Variants in IQSEC1 observed in about 807,000 individuals in gnomAD.
IQSEC1 encodes IQ motif and SEC7 domain-containing protein 1.
A neutral mutation model predicts 91.0 loss-of-function variants in IQSEC1; 31 were observed. The observed-to-expected ratio is 0.34, with a 90% CI of 0.26 to 0.46. The LOEUF (loss-of-function observed/expected upper bound fraction) is 0.46. IQSEC1 is among the 20% of genes least tolerant of loss of function. The probability of loss-of-function intolerance (pLI) is 1.00; values close to 1 mark genes in which losing one functional copy is unlikely to be tolerated. For missense variants in IQSEC1, 1,388 were observed against 1,575.6 expected (o/e 0.88, Z 2.02); for synonymous variants, 699 against 662.6 (o/e 1.05, Z -0.84).
intron 1 of IQSEC1, among the ~76,000 whole-genome samples, chr3:13,055,915 T>C (rs1006308280): frequency 6.6e-5 from 10 of 151,994 alleles, no homozygotes; most frequent in Non-Finnish European, 5.9e-5. Flanking sequence ...CTGGCTTGCA[T>C]AGAGAGGCCC....
At chr3:13,147,830 A>C (rs928348109) in intron 2 of IQSEC1, among the ~76,000 whole-genome samples, 1 of 152,182 alleles carries the variant, frequency 6.6e-6, no homozygotes, top group African/African-American at 2.4e-5. Flanking sequence ...ATGAGGTTTC[A>C]CCATGTTGGC....
chr3:12,913,353 C>T lies in IQSEC1; in HGVS notation c.2316+75G>A, dbSNP rs546654961. 1.1e-4 allele frequency: 155 copies of T among 1,471,442 alleles called. No homozygotes were observed. The Middle Eastern group carries it at 2.5e-3, about 24-fold the overall frequency. 91.1% of individuals were successfully genotyped at this position (1,471,442 alleles called of 1,614,324 possible). A position where few individuals can be genotyped will look rare whatever the true frequency, so the allele number is the denominator to read the frequency against. ...CCCACATGCATGCACATCTTCCCCA[C>T]GCAGACAGCCAGACATGGACCCTGG... On this transcript the variant is annotated intron_variant, in intron 9 of 13. Coordinates refer to ENST00000613206, the MANE Select transcript of IQSEC1 (RefSeq NM_001134382.3).
chr3:13,044,418 G>A (rs62239866), intron 1 of IQSEC1, among the ~76,000 whole-genome samples: 3,083 of 152,318 alleles, frequency 0.02, 43 homozygotes, highest in Non-Finnish European at 0.031. Context: ...ACTTTCCCTT[G>A]GAGGTACCCG....
chr3:12,919,276 C>T (rs944409091), intron 6 of IQSEC1, among the ~76,000 whole-genome samples: 5 of 152,222 alleles, frequency 3.3e-5, no homozygotes, highest in African/African-American at 7.2e-5. Flanking sequence ...CAGGAGGCCA[C>T]GTACAGTAAC....
At chr3:13,038,985 A>G (rs919656954) in intron 1 of IQSEC1, among the ~76,000 whole-genome samples, 1 of 152,268 alleles carries the variant, frequency 6.6e-6, no homozygotes, top group African/African-American at 2.4e-5. Context: ...CAGGAAAGGG[A>G]TAAGATTTGT....
At chr3:13,267,111 A>C (rs1234327718) in intron 1 of IQSEC1, among the ~76,000 whole-genome samples, 1 of 152,192 alleles carries the variant, frequency 6.6e-6, no homozygotes, top group African/African-American at 2.4e-5. Flanking sequence ...TGGTGAGGTC[A>C]TGAGGGCAGA....
Position 12,924,600 on chromosome 3 carries a change from A to T in IQSEC1, c.1711T>A (p.Phe571Ile). Residue 571 changes from phenylalanine (F) to isoleucine (I), a missense_variant, in exon 4 of 14, where the codon TTC (phenylalanine) becomes ATC (isoleucine). Transcript: ENST00000613206. The surrounding 1 kb of genome is among the most constrained non-coding windows in gnomAD (Gnocchi z 6.3). The part of the protein sequence containing the change: ...GEFLGNRQKQ[F>I]NRDVLDCVVD... ...ACTTACTCGAGCACGTCACGGTTGA[A>T]CTGCTTCTGCCGGTTGCCCAGGAAC... The T allele has an allele frequency of 6.2e-7, 1 of 1,606,194 alleles. No homozygotes were observed. Among genetic ancestry groups the T allele is most frequent in the Non-Finnish European group, 8.5e-7 (1 of 1,175,416 alleles).
At chr3:12,946,973 C>A (rs1339168062) in intron 1 of IQSEC1, among the ~76,000 whole-genome samples, 3 of 152,228 alleles carry the variant, frequency 2.0e-5, no homozygotes, top group East Asian at 3.8e-4. Context: ...GAAGCCTCAG[C>A]CTCCTTCCAA....
rs75250491 is a variant in IQSEC1 at position 13,097,358 on chromosome 3, T to A, written c.303-49836A>T. 4.6e-5 allele frequency among the ~76,000 whole-genome samples: 7 copies of A among 152,304 alleles called. No individual in the cohort carries two copies. In the East Asian group the frequency reaches 9.6e-4, roughly 21 times the overall value. On this transcript the variant is annotated intron_variant, in intron 2 of 15. Coordinates refer to the IQSEC1 transcript ENST00000648114. The stretch of plus-strand genomic sequence containing the variant: ...CTTTTTCCCTCCCTGCTTCCAGACG[T>A]GGCTCTGGTCCCCTCCAGTCACTGA...
At chr3:12,932,871 A>G (rs1448466658) in intron 3 of IQSEC1, among the ~76,000 whole-genome samples, 1 of 152,224 alleles carries the variant, frequency 6.6e-6, no homozygotes, top group African/African-American at 2.4e-5. Flanking sequence ...GCAGATGCCC[A>G]GAGGAACATC....
intron 3 of IQSEC1, among the ~76,000 whole-genome samples, chr3:12,931,041 G>A (rs565329974): frequency 4.1e-4 from 62 of 152,238 alleles, no homozygotes; most frequent in Non-Finnish European, 8.8e-5. Context: ...ACTTTTACAC[G>A]CACTTTCTGG....
chr3:13,218,294 T>G (rs907752743), intron 1 of IQSEC1, among the ~76,000 whole-genome samples: 2 of 152,204 alleles, frequency 1.3e-5, no homozygotes, highest in African/African-American at 2.4e-5. Flanking sequence ...GTTGGGATCA[T>G]TTTTTAATCC....
Position 12,967,253 on chromosome 3 carries a change from C to T in IQSEC1, c.24-25388G>A. The T allele has an allele frequency of 1.4e-6, 1 of 704,688 alleles. No individual in the cohort carries two copies. The highest frequency in any genetic ancestry group is 2.2e-6 in the Non-Finnish European group (1 of 449,258). The allele number at this position is 704,688 out of a possible 1,614,324, so 43.7% of individuals were successfully genotyped here. The stretch of plus-strand genomic sequence containing the variant: ...AGTCTGGCGGACGCACCCCGCCCCG[C>T]AGGCAGCTTTCTCTCGCACGCCGGG... On this transcript the variant is annotated intron_variant, in intron 1 of 13. Transcript: ENST00000613206. The surrounding 1 kb of genome is among the most constrained non-coding windows in gnomAD (Gnocchi z 5.9).
At chr3:12,998,193 C>T (rs7636697) in intron 1 of IQSEC1, among the ~76,000 whole-genome samples, 31,253 of 151,950 alleles carry the variant, frequency 0.21, 4,007 homozygotes, top group African/African-American at 0.36. Context: ...CTACTAAAAA[C>T]ACAAAAATTA....
Position 12,899,345 on chromosome 3 carries a change from C to T in IQSEC1, c.*1638G>A. The T allele has an allele frequency of 6.2e-7, 1 of 1,606,240 alleles. No individual in the cohort carries two copies. The highest frequency in any genetic ancestry group is 8.5e-7 in the Non-Finnish European group (1 of 1,175,746). On this transcript the variant is annotated 3_prime_UTR_variant, in exon 14 of 14. Transcript: ENST00000613206. ...TGAGCTTCGCCCTTTCTGAAAGGGC[C>T]TCCGCCTGGGCAGGCGCCGGGGGGC...
intron 1 of IQSEC1, among the ~76,000 whole-genome samples, chr3:13,170,826 G>A (rs1006653909): frequency 1.1e-4 from 17 of 152,154 alleles, no homozygotes; most frequent in Admixed American, 2.6e-4. Context: ...TGTGCTAGGC[G>A]CGGTGGCTCA....
At chr3:13,099,904 C>T (rs1192275651) in intron 2 of IQSEC1, among the ~76,000 whole-genome samples, 1 of 152,140 alleles carries the variant, frequency 6.6e-6, no homozygotes, top group Admixed American at 6.5e-5. Context: ...CTGGTGTGAT[C>T]CAGGAACAAG....
At chr3:13,086,447 C>A (rs1705736782) in intron 2 of IQSEC1, among the ~76,000 whole-genome samples, 1 of 152,112 alleles carries the variant, frequency 6.6e-6, no homozygotes, top group African/African-American at 2.4e-5. Flanking sequence ...CACAGAGCCA[C>A]CTGCAGGGCT....
At chr3:13,129,524 T>C (rs1361939484) in intron 2 of IQSEC1, among the ~76,000 whole-genome samples, 2 of 152,200 alleles carry the variant, frequency 1.3e-5, no homozygotes, top group African/African-American at 4.8e-5. Context: ...GTTTAATTTG[T>C]TCTTAAAAAC....
Sources: gnomAD v4.1 joint callset for allele counts (sites outside exome capture counted in the v4.1 genomes callset) on GRCh38, gnomAD v4.1.1 for gene constraint, Gnocchi (gnomAD v3.1) non-coding constraint, MANE v1.5 for transcripts, NCBI Gene and HGNC (gene_info 2026-07-23, HGNC 2026-07-21) for gene names.